Variants in DOP1A observed in about 807,000 individuals in gnomAD.
DOP1A encodes the protein protein DOP1A.
DOP1A carries 90 observed loss-of-function variants against 267.6 expected under a neutral mutation model. The ratio of observed to expected loss-of-function variants is 0.34; its 90% confidence interval spans 0.28 to 0.40. The LOEUF (loss-of-function observed/expected upper bound fraction) is 0.40, where lower values mean the gene tolerates loss of function less well. Among genes scored for constraint, DOP1A ranks in the 10% least tolerant of loss-of-function variants. The pLI is 1.00. For synonymous variants in DOP1A, 932 were observed against 999.1 expected (o/e 0.93, Z 1.27); for missense variants, 2,437 against 2,900.4 (o/e 0.84, Z 3.67).
chr6:83,075,305 G>A (rs1205533551), intron 1 of DOP1A, among the ~76,000 whole-genome samples: 3 of 152,190 alleles, frequency 2.0e-5, no homozygotes, highest in Non-Finnish European at 4.4e-5. Flanking sequence ...GAGCTAAAAT[G>A]ACAGATGAGG....
Position 83,139,095 on chromosome 6 carries a change from C to G in DOP1A, c.5053C>G (p.Gln1685Glu). 1 of 1,613,924 alleles carries G rather than the reference C, an allele frequency of 6.2e-7. No homozygotes were observed. Among genetic ancestry groups the G allele is most frequent in the South Asian group, 1.1e-5 (1 of 91,056 alleles). ...LQRVVVSVTL[Q>E]LCRNLDNLIQ... ...GAGAGTGGTTGTTTCTGTGACACTA[C>G]AACTGTGCAGAAATTTAGATAATCT... The change falls in exon 21 of 39, where the codon CAA becomes GAA. Residue 1685 changes from glutamine (Q) to glutamate (E), a missense_variant. Coordinates refer to ENST00000349129, the MANE Select transcript of DOP1A (RefSeq NM_015018.4).
chr6:83,106,408 A>G (rs1202281451), intron 4 of DOP1A, among the ~76,000 whole-genome samples: 1 of 152,224 alleles, frequency 6.6e-6, no homozygotes, highest in Non-Finnish European at 1.5e-5. Context: ...TACATTGTAA[A>G]TAACAAGGAG....
chr6:83,149,607 G>A (rs1021845237), intron 27 of DOP1A, among the ~76,000 whole-genome samples: 1 of 152,146 alleles, frequency 6.6e-6, no homozygotes, highest in South Asian at 2.1e-4. Context: ...ATGTGGTCTT[G>A]AAAGGGAGTG....
chr6:83,108,150 A>T (rs547326063), intron 4 of DOP1A, among the ~76,000 whole-genome samples: 25 of 152,276 alleles, frequency 1.6e-4, no homozygotes, highest in Non-Finnish European at 2.8e-4. Flanking sequence ...GAACTTGATG[A>T]CCTTGATAAC....
At chr6:83,068,130 G>T (rs1784999976) in intron 1 of DOP1A, among the ~76,000 whole-genome samples, 1 of 152,228 alleles carries the variant, frequency 6.6e-6, no homozygotes, top group Admixed American at 6.5e-5. Context: ...CGCAAGGCTG[G>T]GGCAGAGGTC....
At chr6:83,097,865 A>T (rs998264136) in intron 3 of DOP1A, among the ~76,000 whole-genome samples, 1 of 145,996 alleles carries the variant, frequency 6.8e-6, no homozygotes, top group South Asian at 2.1e-4. Context: ...ATTTTATTTT[A>T]TTATTTTATT....
intron 1 of DOP1A, among the ~76,000 whole-genome samples, chr6:83,077,068 T>A (rs527632710): frequency 1.3e-5 from 2 of 152,334 alleles, no homozygotes; most frequent in Admixed American, 6.5e-5. Flanking sequence ...TCTAAAGTAG[T>A]CAAATTCATA....
At chr6:83,119,465 A>G (rs1776002298) in intron 8 of DOP1A, among the ~76,000 whole-genome samples, 1 of 152,120 alleles carries the variant, frequency 6.6e-6, no homozygotes, top group Admixed American at 6.5e-5. Flanking sequence ...GTGAGGGGAC[A>G]TAATATAACT....
At chr6:83,114,580 C>T (rs1775098382) in intron 7 of DOP1A, among the ~76,000 whole-genome samples, 2 of 152,146 alleles carry the variant, frequency 1.3e-5, no homozygotes, top group South Asian at 4.1e-4. Context: ...TTGAACTTTT[C>T]CCATTGCTTT....
chr6:83,169,419 G>C, downstream of DOP1A: 1 of 1,402,908 alleles, frequency 7.1e-7, no homozygotes, highest in Non-Finnish European at 9.7e-7. Context: ...GAAGAGAGGG[G>C]TGATTCTTGA....
intron 27 of DOP1A, among the ~76,000 whole-genome samples, chr6:83,150,935 CCATGTGTCCCTCCA>C (rs1781550339): frequency 2.6e-5 from 4 of 152,074 alleles, no homozygotes; most frequent in Admixed American, 2.6e-4. Context: ...AAATAAAACA[CCATGTGTCCCTCCA>C]CACCTCTCCC....
intron 32 of DOP1A, 47 bp downstream of exon 32, chr6:83,154,090 T>C: frequency 6.2e-7 from 1 of 1,612,906 alleles, no homozygotes; most frequent in Admixed American, 1.7e-5. Context: ...CCTCACAGTC[T>C]GATGAAATCA....
At chr6:83,147,336 C>CA (rs781004272) in intron 26 of DOP1A, 45 bp downstream of exon 26, 1 of 1,043,502 alleles carries the variant, frequency 9.6e-7, no homozygotes, top group Admixed American at 2.6e-5. Flanking sequence ...TTGCTAGAAA[C>CA]AGAGAAACAT....
At chr6:83,099,508 A>G (rs1459286675) in intron 3 of DOP1A, among the ~76,000 whole-genome samples, 1 of 152,142 alleles carries the variant, frequency 6.6e-6, no homozygotes, top group Non-Finnish European at 1.5e-5. Context: ...TTTTAAAGGC[A>G]AGTCATTAAA....
At chr6:83,098,780 A>T (rs1771969334) in intron 3 of DOP1A, among the ~76,000 whole-genome samples, 1 of 152,130 alleles carries the variant, frequency 6.6e-6, no homozygotes, top group Non-Finnish European at 1.5e-5. Context: ...ACTTCATTGG[A>T]TAGGCATGAT....
At chr6:83,071,514 C>T (rs534857888) in intron 1 of DOP1A, among the ~76,000 whole-genome samples, 2 of 152,100 alleles carry the variant, frequency 1.3e-5, no homozygotes, top group Non-Finnish European at 1.5e-5. Context: ...GGCCCCTCCT[C>T]ATTTAATTCA....
In DOP1A at chr6:83,162,888, G is replaced by A. The variant is rs750025649; in HGVS notation, c.7061G>A (p.Arg2354Gln). 6.2e-7 allele frequency: 1 copy of A among 1,612,926 alleles called. No homozygotes were observed. Among genetic ancestry groups the A allele is most frequent in the African/African-American group, 1.3e-5 (1 of 74,990 alleles). Residue 2354 changes from arginine to glutamine, a missense_variant, in exon 38 of 39, where the codon CGA becomes CAA. Physicochemically the swap from Arg to Gln is conservative, Grantham distance 43. Coordinates refer to ENST00000349129, the MANE Select transcript of DOP1A (RefSeq NM_015018.4). ...CGAGAATTTAAACCTTACGTGGTACGACTAGCAAAACTTCTTCGGAAAAGA... is the reference window on the plus strand; with the variant it reads ...CGAGAATTTAAACCTTACGTGGTACAACTAGCAAAACTTCTTCGGAAAAGA... ...HQREFKPYVV[R>Q]LAKLLRKRAK... is the part of the protein sequence containing the mutation.
rs1777798983 is a variant in DOP1A at position 83,130,159 on chromosome 6, C to T, written c.2378C>T (p.Thr793Ile). Reference sequence around the variant, plus strand: ...GTGCAGCCTCCACAGTGGCTCCAGACTCTGATGAATGCTTGCAGCCAAGCA... The same window carrying T: ...GTGCAGCCTCCACAGTGGCTCCAGATTCTGATGAATGCTTGCAGCCAAGCA... ...EHVQPPQWLQTLMNACSQASD... is the reference protein window; with the variant it reads ...EHVQPPQWLQILMNACSQASD... The change falls in exon 17 of 39, where the codon ACT becomes ATT. Residue 793 changes from threonine (T) to isoleucine (I), a missense_variant. Physicochemically the swap from Thr to Ile is moderately conservative, Grantham distance 89 (BLOSUM62 -1). Transcript: ENST00000349129. The T allele has an allele frequency of 1.9e-6, 3 of 1,614,052 alleles. No individual in the cohort carries two copies. The highest frequency in any genetic ancestry group is 2.5e-6 in the Non-Finnish European group (3 of 1,179,952).
intron 26 of DOP1A, 70 bp downstream of exon 26, chr6:83,147,361 TTAATA>T (rs1780793284): frequency 3.7e-6 from 3 of 810,924 alleles, no homozygotes; most frequent in South Asian, 3.1e-5. Flanking sequence ...TATGGATATA[TTAATA>T]TAAGTAATGA....
Sources: gnomAD v4.1 joint callset for allele counts (sites outside exome capture counted in the v4.1 genomes callset) on GRCh38, gnomAD v4.1.1 for gene constraint, MANE v1.5 for transcripts, NCBI Gene and HGNC (gene_info 2026-07-23, HGNC 2026-07-21) for gene names.